CYTH3: variants seen among roughly 807,000 people sequenced by gnomAD.
CYTH3 encodes the protein cytohesin 3.
Under a neutral mutation model 55.1 loss-of-function variants are expected in CYTH3, and 23 were observed. The ratio of observed to expected loss-of-function variants is 0.42; its 90% CI spans 0.30 to 0.59. The LOEUF is 0.59. Ranked by LOEUF, CYTH3 falls within the 20% of genes least tolerant of loss-of-function variation. The pLI, the probability that CYTH3 is intolerant of heterozygous loss-of-function variation, is 0.20. For missense variants in CYTH3, 413 were observed against 524.8 expected, an observed-to-expected ratio of 0.79 and a Z score of 2.08; for synonymous variants, 249 against 194.9, an observed-to-expected ratio of 1.28 and a Z score of -2.31.
intron 1 of CYTH3, among the ~76,000 whole-genome samples, chr7:6,251,469 G>A (rs1032655427): frequency 1.3e-4 from 20 of 151,868 alleles, no homozygotes; most frequent in African/African-American, 4.6e-4. Flanking sequence ...GCATGGAGAC[G>A]GAACCCTCTC....
At chr7:6,248,662 G>A (rs1015309171) in intron 1 of CYTH3, among the ~76,000 whole-genome samples, 16 of 152,176 alleles carry the variant, frequency 1.1e-4, no homozygotes, top group African/African-American at 2.7e-4. Context: ...CCGGCTGCCC[G>A]TGGCCACTCA....
chr7:6,270,910 T>C (rs1183569634), intron 1 of CYTH3, among the ~76,000 whole-genome samples: 1 of 152,174 alleles, frequency 6.6e-6, no homozygotes, highest in Non-Finnish European at 1.5e-5. Flanking sequence ...TCTACATTTC[T>C]TTACTCACAG....
intron 1 of CYTH3, among the ~76,000 whole-genome samples, chr7:6,193,698 G>C (rs560759674): frequency 1.3e-5 from 2 of 152,170 alleles, no homozygotes; most frequent in Non-Finnish European, 2.9e-5. Flanking sequence ...TGGTTGAAAG[G>C]CTCTTTGAAA....
intron 1 of CYTH3, among the ~76,000 whole-genome samples, chr7:6,256,294 G>A (rs1780102990): frequency 6.6e-6 from 1 of 152,216 alleles, no homozygotes; most frequent in Non-Finnish European, 1.5e-5. Context: ...GGTTCAGGCA[G>A]GGGGCCCTAG....
chr7:6,230,394 G>A (rs1399349349), intron 1 of CYTH3, among the ~76,000 whole-genome samples: 1 of 152,126 alleles, frequency 6.6e-6, no homozygotes, highest in African/African-American at 2.4e-5. Context: ...AGGGAAAAGG[G>A]AACTTAAGCT....
chr7:6,166,084 C>A (rs1782995683), intron 9 of CYTH3, among the ~76,000 whole-genome samples: 1 of 152,186 alleles, frequency 6.6e-6, no homozygotes, highest in African/African-American at 2.4e-5. Flanking sequence ...TGGATGGCGT[C>A]ATTTTCCCAC....
intron 6 of CYTH3, chr7:6,172,887 G>A (rs1293293615): frequency 8.0e-6 from 10 of 1,246,086 alleles, no homozygotes; most frequent in South Asian, 1.3e-5. Flanking sequence ...CCACAAAAAC[G>A]CTGCCAACAT....
chr7:6,218,924 G>A (rs1247760152), intron 1 of CYTH3, among the ~76,000 whole-genome samples: 1 of 146,044 alleles, frequency 6.8e-6, no homozygotes, highest in African/African-American at 2.6e-5. Flanking sequence ...AGAATCGCTT[G>A]AACCCGGGAG....
chr7:6,265,523 G>T lies in CYTH3; in HGVS notation c.34+6951C>A, dbSNP rs568221460. Among the ~76,000 whole-genome samples, 3 of 151,798 alleles carry T rather than the reference G, an allele frequency of 2.0e-5. No individual in the cohort carries two copies. The South Asian group carries it at 6.2e-4, about 32-fold the overall frequency. On this transcript the variant is annotated intron_variant, in intron 1 of 12. Transcript: ENST00000350796. ...AGTCCCAGCTACTCAGGAGGCTGAG[G>T]CAGGAGAATCACTTGAGCCCAGGAA...
At chr7:6,186,325 C>T (rs987381764) in intron 4 of CYTH3, among the ~76,000 whole-genome samples, 11 of 151,992 alleles carry the variant, frequency 7.2e-5, no homozygotes, top group Admixed American at 7.2e-4. Context: ...GAGACCTTCC[C>T]GTGGACACGC....
At chr7:6,173,222 G>T in intron 6 of CYTH3, 2 of 249,268 alleles carry the variant, frequency 8.0e-6, no homozygotes, top group South Asian at 9.9e-5. Flanking sequence ...CAGGGAGTGT[G>T]TCCCAGACAC....
At chr7:6,259,779 T>TGTATA (rs1780264123) in intron 1 of CYTH3, among the ~76,000 whole-genome samples, 1 of 20,154 alleles carries the variant, frequency 5.0e-5, no homozygotes, top group Non-Finnish European at 6.4e-5. Flanking sequence ...ATATTATATA[T>TGTATA]ATATAATATA....
chr7:6,220,952 C>T (rs555359394), intron 1 of CYTH3, among the ~76,000 whole-genome samples: 7 of 152,016 alleles, frequency 4.6e-5, no homozygotes, highest in East Asian at 3.9e-4. Context: ...GTCGAGATCG[C>T]GCCACTGCAC....
intron 1 of CYTH3, among the ~76,000 whole-genome samples, chr7:6,201,405 A>G (rs1446194477): frequency 1.3e-5 from 2 of 152,100 alleles, no homozygotes; most frequent in African/African-American, 2.4e-5. Flanking sequence ...TTTCTCCTCA[A>G]TCTCCATGTG....
At chr7:6,186,319 C>T (rs953226557) in intron 4 of CYTH3, among the ~76,000 whole-genome samples, 1 of 151,816 alleles carries the variant, frequency 6.6e-6, no homozygotes, top group Non-Finnish European at 1.5e-5. Context: ...TGCAGCGAGA[C>T]CTTCCCGTGG....
intron 1 of CYTH3, among the ~76,000 whole-genome samples, chr7:6,266,503 A>G (rs1174687122): frequency 6.6e-6 from 1 of 152,232 alleles, no homozygotes; most frequent in African/African-American, 2.4e-5. Flanking sequence ...TACTTAGAAT[A>G]AAATCTGCAT....
intron 5 of CYTH3, among the ~76,000 whole-genome samples, chr7:6,174,660 G>T (rs1319987806): frequency 2.0e-5 from 3 of 146,712 alleles, no homozygotes; most frequent in Non-Finnish European, 4.4e-5. Flanking sequence ...CGATACTCCT[G>T]TCTCAGCCTC....
chr7:6,185,764 G>A (rs1431378083), intron 4 of CYTH3, among the ~76,000 whole-genome samples: 6 of 151,742 alleles, frequency 4.0e-5, no homozygotes, highest in African/African-American at 1.2e-4. Flanking sequence ...CCTGCAAACC[G>A]TGAGCAGGAA....
intron 1 of CYTH3, among the ~76,000 whole-genome samples, chr7:6,263,202 T>C (rs1236067079): frequency 1.3e-5 from 2 of 152,178 alleles, no homozygotes; most frequent in Non-Finnish European, 2.9e-5. Context: ...AAAATATATA[T>C]TTTGTCACTA....
Sources: gnomAD v4.1 joint callset for allele counts (sites outside exome capture counted in the v4.1 genomes callset) on GRCh38, gnomAD v4.1.1 for gene constraint, MANE v1.5 for transcripts, NCBI Gene and HGNC (gene_info 2026-07-23, HGNC 2026-07-21) for gene names.